ZNF544: variants seen among roughly 807,000 people sequenced by gnomAD.
ZNF544 encodes zinc finger protein 544, also known as zinc finger protein AF020591.
ZNF544 carries 10 observed loss-of-function variants against 13.5 expected under a neutral mutation model. That is an observed-to-expected ratio of 0.74 (90% CI 0.46 to 1.25). The LOEUF is 1.25. ZNF544 is among the 50% of genes most tolerant of loss of function. The pLI, the probability that ZNF544 is intolerant of heterozygous loss-of-function variation, is 0.00. For missense variants in ZNF544, 896 were observed against 845.6 expected, an observed-to-expected ratio of 1.06 and a Z score of -0.74; for synonymous variants, 323 against 300.5, an observed-to-expected ratio of 1.07 and a Z score of -0.77.
chr19:58,262,922 G>C lies in ZNF544; in HGVS notation c.*168G>C, dbSNP rs994921036. ...TGGAGAAAAGCCCTACGAATGCATTGATTGTGGGAAAGCCTTCAATGATCG... is the reference window on the plus strand; with the variant it reads ...TGGAGAAAAGCCCTACGAATGCATTCATTGTGGGAAAGCCTTCAATGATCG... On this transcript the variant is annotated 3_prime_UTR_variant, in exon 7 of 7. Transcript: ENST00000687789. 1.4e-6 allele frequency: 2 copies of C among 1,441,276 alleles called. No individual in the cohort carries two copies. Among genetic ancestry groups the C allele is most frequent in the Non-Finnish European group, 1.8e-6 (2 of 1,103,200 alleles). The allele number at this position is 1,441,276 out of a possible 1,614,324, so 89.3% of individuals were successfully genotyped here.
At chr19:58,276,382 C>T (rs956248699) in exon 6 of ZNF544, 3 of 1,231,594 alleles carry the variant, frequency 2.4e-6, no homozygotes, top group Non-Finnish European at 3.0e-6. Context: ...ATTTAGTCTC[C>T]TGGAAGGCTG....
downstream of ZNF544, chr19:58,263,704 T>C: frequency 2.1e-6 from 1 of 475,166 alleles, no homozygotes; most frequent in Non-Finnish European, 2.8e-6. Flanking sequence ...CTCATGCCTG[T>C]AATCCCAGCA....
chr19:58,243,492 G>A (rs2044363915), intron 3 of ZNF544, among the ~76,000 whole-genome samples: 1 of 151,708 alleles, frequency 6.6e-6, no homozygotes, highest in African/African-American at 2.4e-5. Context: ...GCAGCATCCT[G>A]GTACTTCCAG....
intron 3 of ZNF544, among the ~76,000 whole-genome samples, chr19:58,234,093 C>T (rs1159702100): frequency 6.6e-6 from 1 of 152,188 alleles, no homozygotes; most frequent in Non-Finnish European, 1.5e-5. Flanking sequence ...CTCCTCATTC[C>T]ACCTTTACTC....
intron 5 of ZNF544, among the ~76,000 whole-genome samples, chr19:58,274,263 A>G (rs1046405523): frequency 6.6e-6 from 1 of 152,184 alleles, no homozygotes; most frequent in Admixed American, 6.5e-5. Context: ...GTTCTAACCC[A>G]TAGTACCTCA....
At chr19:58,269,170 C>T (rs950842326) in intron 5 of ZNF544, among the ~76,000 whole-genome samples, 6 of 152,186 alleles carry the variant, frequency 3.9e-5, no homozygotes, top group African/African-American at 1.4e-4. Flanking sequence ...CGTGGTGGCT[C>T]ACGCCTGTAA....
At chr19:58,272,343 A>C (rs533442822) in intron 5 of ZNF544, among the ~76,000 whole-genome samples, 1 of 152,024 alleles carries the variant, frequency 6.6e-6, no homozygotes, top group African/African-American at 2.4e-5. Flanking sequence ...GGAAGGATCA[A>C]CTGAGGCCGT....
In ZNF544 at chr19:58,244,011, G is replaced by A. The variant is rs1284918000; in HGVS notation, c.-13G>A. ...GCCCTCTACACAGCGGCCTCTTCAG[G>A]TGCAGGGAGGAAATGGAAGCACGTT... On this transcript the variant is annotated 5_prime_UTR_variant, in exon 4 of 7. It adds an upstream start codon to the 5' untranslated region. Coordinates refer to ENST00000687789, the MANE Select transcript of ZNF544 (RefSeq NM_014480.4). 1.9e-6 allele frequency: 3 copies of A among 1,606,896 alleles called. No homozygotes were observed. Among genetic ancestry groups the A allele is most frequent in the Non-Finnish European group, 2.5e-6 (3 of 1,176,524 alleles).
chr19:58,243,375 G>A (rs1311470920), intron 3 of ZNF544, among the ~76,000 whole-genome samples: 1 of 151,668 alleles, frequency 6.6e-6, no homozygotes, highest in Middle Eastern at 3.4e-3. Flanking sequence ...CCAAACTCTC[G>A]GTAGGACAGT....
In ZNF544 at chr19:58,246,424, C is replaced by A. The variant is rs1328419743; in HGVS notation, c.157C>A (p.Leu53Met). Residue 53 changes from leucine (L) to methionine (M), a missense_variant, in exon 5 of 7, where the codon CTG becomes ATG. Coordinates refer to ENST00000687789, the MANE Select transcript of ZNF544 (RefSeq NM_014480.4). The stretch of plus-strand genomic sequence containing the variant: ...GGAGACCTGGGAGCATATTGTCTCC[C>A]TGGGTAAGTGGCTGTGCTCATGGAA... ...TLETWEHIVS[L>M]GLFLSKSDVI... 1 of 1,613,816 alleles carries A rather than the reference C, an allele frequency of 6.2e-7. No individual in the cohort carries two copies. The highest frequency in any genetic ancestry group is 1.3e-5 in the African/African-American group (1 of 74,884).
chr19:58,263,594 G>GTAT lies in ZNF544; in HGVS notation c.*843_*845dup. 2.0e-6 allele frequency: 2 copies of GTAT among 983,852 alleles called. No individual in the cohort carries two copies. Among genetic ancestry groups the GTAT allele is most frequent in the Non-Finnish European group, 2.4e-6 (2 of 828,474 alleles). 60.9% of individuals were successfully genotyped at this position (983,852 alleles called of 1,614,324 possible). On this transcript the variant is annotated 3_prime_UTR_variant, in exon 7 of 7. Transcript: ENST00000687789. Reference sequence around the variant, plus strand: ...TGCCTGGAGTGTGCACTGAAACTGTGTATTACCAAGCTCACTCTAGCCAAC... The same window carrying GTAT: ...TGCCTGGAGTGTGCACTGAAACTGTGTATTATTACCAAGCTCACTCTAGCCAAC...
intron 4 of ZNF544, 102 bp from the exon 5 acceptor site, chr19:58,246,199 A>G: frequency 3.3e-6 from 5 of 1,516,392 alleles, no homozygotes; most frequent in Non-Finnish European, 3.6e-6. Flanking sequence ...GTTCCAATGT[A>G]TGAATTTTAC....
chr19:58,266,832 AGGG>A (rs1441529538), downstream of ZNF544: 1 of 152,244 alleles, frequency 6.6e-6, no homozygotes, highest in Non-Finnish European at 1.5e-5. Flanking sequence ...CTCTGCAGCA[AGGG>A]CTGCTTTATT....
chr19:58,237,760 G>A (rs566633887), intron 3 of ZNF544, among the ~76,000 whole-genome samples: 61 of 152,348 alleles, frequency 4.0e-4, no homozygotes, highest in Admixed American at 1.4e-3. Context: ...TGTGCCAGAA[G>A]CCTGGAGCTT....
intron 4 of ZNF544, among the ~76,000 whole-genome samples, chr19:58,244,371 G>A (rs117767467): frequency 4.6e-5 from 7 of 151,720 alleles, no homozygotes; most frequent in African/African-American, 1.7e-4. Context: ...CCCACACCCC[G>A]ACAGCCACAC....
intron 6 of ZNF544, chr19:58,257,210 C>G (rs2047667740): frequency 6.6e-6 from 1 of 152,226 alleles, no homozygotes; most frequent in South Asian, 2.1e-4. Flanking sequence ...CATGAGCCAC[C>G]ACGCCTGGCT....
At chr19:58,277,360 G>A in exon 7 of ZNF544, 2 of 803,352 alleles carry the variant, frequency 2.5e-6, no homozygotes, top group South Asian at 6.3e-5. Flanking sequence ...TCAACACGGT[G>A]TGAAGGGCCA....
chr19:58,277,149 T>C, intron 6 of ZNF544: 2 of 1,230,212 alleles, frequency 1.6e-6, no homozygotes, highest in Non-Finnish European at 2.0e-6. Context: ...TCTCATAATT[T>C]TGTGTAACTT....
intron 4 of ZNF544, chr19:58,245,963 A>G (rs2045108448): frequency 2.8e-6 from 1 of 357,254 alleles, no homozygotes; most frequent in African/African-American, 2.1e-5. Context: ...AGAGTGAGCA[A>G]TTTACAAACA....
Sources: allele counts gnomAD v4.1 joint callset (sites outside exome capture counted in the v4.1 genomes callset), GRCh38; gene constraint gnomAD v4.1.1; transcripts MANE v1.5; gene names NCBI Gene and HGNC (gene_info 2026-07-23, HGNC 2026-07-21).